Variants in COMMD2 observed in about 807,000 individuals in gnomAD.
COMMD2 encodes the protein COMM domain-containing protein 2.
A neutral mutation model predicts 22.5 loss-of-function variants in COMMD2; 25 were observed. The observed-to-expected ratio is 1.11, with a 90% CI of 0.81 to 1.55. The LOEUF is 1.55. COMMD2 is among the 40% of genes most tolerant of loss of function. The pLI, the probability that COMMD2 is intolerant of heterozygous loss-of-function variation, is 0.00. For missense variants in COMMD2, 223 were observed against 232.9 expected (o/e 0.96, Z 0.28); for synonymous variants, 98 against 91.2 (o/e 1.07, Z -0.42).
chr3:149,740,486 T>C lies in COMMD2; in HGVS notation c.*1035A>G, dbSNP rs1716182459. On this transcript the variant is annotated 3_prime_UTR_variant, in exon 5 of 5. Coordinates refer to ENST00000473414, the MANE Select transcript of COMMD2 (RefSeq NM_016094.4). ...TGTCTCCTAGATGCTTTGGGTATGG[T>C]GGAAGAATTAGTCCTTGATAAAATA... The C allele has an allele frequency of 6.6e-6, 1 of 152,198 alleles. No individual in the cohort carries two copies. The highest frequency in any genetic ancestry group is 6.5e-5 in the Admixed American group (1 of 15,270). 9.4% of individuals were successfully genotyped at this position (152,198 alleles called of 1,614,324 possible).
chr3:149,742,225 G>A (rs755346495), intron 4 of COMMD2, among the ~76,000 whole-genome samples: 1 of 152,086 alleles, frequency 6.6e-6, no homozygotes, highest in African/African-American at 2.4e-5. Flanking sequence ...CAGGATAATA[G>A]CCAGTAAAAC....
intron 4 of COMMD2, among the ~76,000 whole-genome samples, chr3:149,745,523 A>C (rs1056987502): frequency 2.6e-5 from 4 of 152,184 alleles, no homozygotes; most frequent in African/African-American, 9.7e-5. Context: ...GCTGATTTCT[A>C]ATTAAATTTT....
At position 149,741,619 on chromosome 3, in the gene COMMD2, C is replaced by T. The variant is rs143514325; in HGVS notation, c.502G>A (p.Asp168Asn). ...ACCAAATGGAGCAGGGTGGCTGGGT[C>T]TGTCTGCAGAACTTTGGTGTTGTGA... ...GDHNTKVLQT[D>N]PATLLHLVQQ... Residue 168 changes from aspartate to asparagine, a missense_variant, in exon 5 of 5, where the codon GAC becomes AAC. Physicochemically the swap from Asp to Asn is conservative, Grantham distance 23. Transcript: ENST00000473414. 1 of 1,613,892 alleles carries T rather than the reference C, an allele frequency of 6.2e-7. No homozygotes were observed. The highest frequency in any genetic ancestry group is 8.5e-7 in the Non-Finnish European group (1 of 1,179,998).
chr3:149,743,938 T>C (rs1203811446), intron 4 of COMMD2, among the ~76,000 whole-genome samples: 1 of 152,158 alleles, frequency 6.6e-6, no homozygotes, highest in Non-Finnish European at 1.5e-5. Context: ...CGTATCTAAA[T>C]TAAATACCTA....
chr3:149,746,427 G>GT (rs766688307), intron 4 of COMMD2, among the ~76,000 whole-genome samples: 10 of 152,098 alleles, frequency 6.6e-5, no homozygotes. Context: ...GAGAGGGGGT[G>GT]TATTAGTCCT....
Position 149,751,486 on chromosome 3 carries a change from C to T in COMMD2, c.146-1G>A. ...GTGTCACTACTCACATTGAGTTTTC[C>T]TGAGAAAGAAAAGTAAAAACGAGCA... On this transcript the variant is annotated splice_acceptor_variant, in intron 2 of 4. Coordinates refer to ENST00000473414, the MANE Select transcript of COMMD2 (RefSeq NM_016094.4). LOFTEE classifies it high-confidence loss of function. 2 of 1,584,870 alleles carry T rather than the reference C, an allele frequency of 1.3e-6. No homozygotes were observed. Among genetic ancestry groups the T allele is most frequent in the Non-Finnish European group, 1.7e-6 (2 of 1,166,234 alleles).
In COMMD2 at chr3:149,741,008, G is replaced by A. The variant is rs1433601483; in HGVS notation, c.*513C>T. The A allele has an allele frequency of 3.3e-5, 5 of 152,466 alleles. No individual in the cohort carries two copies. The highest frequency in any genetic ancestry group is 5.9e-5 in the Non-Finnish European group (4 of 68,046). The allele number at this position is 152,466 out of a possible 1,614,324, so 9.4% of individuals were successfully genotyped here. A position where few individuals can be genotyped will look rare whatever the true frequency, so the allele number is the denominator to read the frequency against. On this transcript the variant is annotated 3_prime_UTR_variant, in exon 5 of 5. Coordinates refer to ENST00000473414, the MANE Select transcript of COMMD2 (RefSeq NM_016094.4). ...TCAAGAAGACCACAGTTAGCACCAGGAAAGGAACTTTACTTTAGCTTCTGA... is the reference window on the plus strand; with the variant it reads ...TCAAGAAGACCACAGTTAGCACCAGAAAAGGAACTTTACTTTAGCTTCTGA...
chr3:149,750,060 T>C (rs1049179035), intron 4 of COMMD2, among the ~76,000 whole-genome samples: 1 of 152,196 alleles, frequency 6.6e-6, no homozygotes, highest in African/African-American at 2.4e-5. Flanking sequence ...TCTCTCTGCT[T>C]AATAAAGGAT....
rs1457249805 is a variant in COMMD2 at position 149,740,750 on chromosome 3, T to C, written c.*771A>G. 2 of 152,212 alleles carry C rather than the reference T, an allele frequency of 1.3e-5. No individual in the cohort carries two copies. Among genetic ancestry groups the C allele is most frequent in the East Asian group, 1.9e-4 (1 of 5,202 alleles). The allele number at this position is 152,212 out of a possible 1,614,324, so 9.4% of individuals were successfully genotyped here. A position where few individuals can be genotyped will look rare whatever the true frequency, so the allele number is the denominator to read the frequency against. On this transcript the variant is annotated 3_prime_UTR_variant, in exon 5 of 5. Transcript: ENST00000473414. Reference sequence around the variant, plus strand: ...TTTAGAAAATTCTGCATAGTAGTAGTATTACATTGTGAATTTTATTTTCAA... The same window carrying C: ...TTTAGAAAATTCTGCATAGTAGTAGCATTACATTGTGAATTTTATTTTCAA...
chr3:149,747,679 G>A (rs1319271915), intron 4 of COMMD2, among the ~76,000 whole-genome samples: 1 of 152,202 alleles, frequency 6.6e-6, no homozygotes, highest in African/African-American at 2.4e-5. Context: ...GCTCATGCCT[G>A]TAATCCCAGC....
chr3:149,742,586 A>G (rs1716264285), intron 4 of COMMD2, among the ~76,000 whole-genome samples: 1 of 152,248 alleles, frequency 6.6e-6, no homozygotes, highest in African/African-American at 2.4e-5. Context: ...AAGAAATGAA[A>G]ATGTTGAAAA....
At chr3:149,741,800 T>C (rs1441008338) in intron 4 of COMMD2, 82 bp from the exon 5 acceptor site, 2 of 1,091,344 alleles carry the variant, frequency 1.8e-6, no homozygotes, top group Non-Finnish European at 2.7e-6. Context: ...TCTTAAACCA[T>C]ACACAAAAAT....
Position 149,751,489 on chromosome 3 carries a change from A to C in COMMD2, c.146-4T>G. On this transcript the variant is annotated splice_region_variant and splice_polypyrimidine_tract_variant and intron_variant, in intron 2 of 4. Coordinates refer to ENST00000473414, the MANE Select transcript of COMMD2 (RefSeq NM_016094.4). ...TCACTACTCACATTGAGTTTTCCTG[A>C]GAAAGAAAAGTAAAAACGAGCAAAT... 1 of 1,582,482 alleles carries C rather than the reference A, an allele frequency of 6.3e-7. No individual in the cohort carries two copies. Among genetic ancestry groups the C allele is most frequent in the South Asian group, 1.2e-5 (1 of 85,868 alleles).
chr3:149,746,390 G>T (rs1716365997), intron 4 of COMMD2, among the ~76,000 whole-genome samples: 2 of 152,156 alleles, frequency 1.3e-5, no homozygotes, highest in Admixed American at 1.3e-4. Flanking sequence ...TGAGATGGGA[G>T]AGGCTATGGT....
chr3:149,750,621 C>T (rs1716501674), intron 4 of COMMD2, 57 bp downstream of exon 4: 1 of 1,290,204 alleles, frequency 7.8e-7, no homozygotes, highest in African/African-American at 1.5e-5. Context: ...ATAAACAGGA[C>T]ACAAACCTAA....
intron 4 of COMMD2, among the ~76,000 whole-genome samples, chr3:149,748,036 G>A (rs1716426551): frequency 1.3e-5 from 2 of 151,940 alleles, no homozygotes; most frequent in Admixed American, 6.6e-5. Flanking sequence ...AGTCAAGACT[G>A]GGTTTCTGAC....
At chr3:149,752,145 G>A (rs946038314) in intron 2 of COMMD2, 65 bp downstream of exon 2, 3 of 1,332,730 alleles carry the variant, frequency 2.3e-6, no homozygotes, top group African/African-American at 1.5e-5. Context: ...TTTCTCTCCC[G>A]GGAGACAGGG....
chr3:149,750,680 G>GT lies in COMMD2; in HGVS notation c.399dup (p.Gln134ThrfsTer5). ...AGTTAATTTTAAAAATGCTATACCT[G>GT]TACATCTAGTCGCCATTCAAGGTTA... is the stretch of plus-strand genomic sequence containing the variant. On this transcript the variant is annotated frameshift_variant, in exon 4 of 5. Transcript: ENST00000473414. LOFTEE classifies it high-confidence loss of function. The GT allele has an allele frequency of 6.4e-7, 1 of 1,563,716 alleles. No individual in the cohort carries two copies. The highest frequency in any genetic ancestry group is 8.7e-7 in the Non-Finnish European group (1 of 1,153,506).
chr3:149,746,047 A>T (rs901146623), intron 4 of COMMD2, among the ~76,000 whole-genome samples: 5 of 152,220 alleles, frequency 3.3e-5, no homozygotes, highest in Non-Finnish European at 7.3e-5. Flanking sequence ...CTGGCATCCA[A>T]GTGTTAGGCC....
Sources: gnomAD v4.1 joint callset for allele counts (sites outside exome capture counted in the v4.1 genomes callset) on GRCh38, gnomAD v4.1.1 for gene constraint, MANE v1.5 for transcripts, NCBI Gene and HGNC (gene_info 2026-07-23, HGNC 2026-07-21) for gene names.